RIC8B: variants seen among roughly 807,000 people sequenced by gnomAD.
RIC8B encodes the protein chaperone Ric-8B.
In RIC8B, 16 loss-of-function variants were observed where a neutral mutation model predicts 57.5. The ratio of observed to expected loss-of-function variants is 0.28; its 90% CI spans 0.19 to 0.42. RIC8B has a LOEUF of 0.42. Among genes scored for constraint, RIC8B ranks in the 10% least tolerant of loss-of-function variants. The pLI, the probability that RIC8B is intolerant of heterozygous loss-of-function variation, is 1.00. For missense variants in RIC8B, 481 were observed against 677.0 expected (o/e 0.71, Z 3.21); for synonymous variants, 216 against 250.8 (o/e 0.86, Z 1.31).
chr12:106,843,332 A>T (rs1330828662), intron 5 of RIC8B, among the ~76,000 whole-genome samples: 8 of 152,170 alleles, frequency 5.3e-5, no homozygotes, highest in South Asian at 2.1e-4. Context: ...TGCTTCATTC[A>T]AGCCCTTTGG....
intron 7 of RIC8B, among the ~76,000 whole-genome samples, chr12:106,855,450 G>C (rs1414735008): frequency 6.6e-6 from 1 of 151,902 alleles, no homozygotes; most frequent in East Asian, 1.9e-4. Context: ...TCCTCAACTT[G>C]CTGCAAGTCA....
intron 4 of RIC8B, among the ~76,000 whole-genome samples, chr12:106,841,982 C>T (rs1014548451): frequency 5.1e-4 from 78 of 152,112 alleles, no homozygotes; most frequent in African/African-American, 1.7e-3. Context: ...TTAGAAATAG[C>T]TATATTAACT....
At chr12:106,813,923 T>C (rs1188886943) in intron 2 of RIC8B, among the ~76,000 whole-genome samples, 2 of 152,158 alleles carry the variant, frequency 1.3e-5, no homozygotes, top group African/African-American at 4.8e-5. Flanking sequence ...TTGACAATGG[T>C]ATAAAAAAAT....
chr12:106,781,497 C>T (rs1322197961), intron 1 of RIC8B, among the ~76,000 whole-genome samples: 2 of 152,106 alleles, frequency 1.3e-5, no homozygotes, highest in Non-Finnish European at 2.9e-5. Context: ...TCTATTGGAT[C>T]CAAACACTCT....
Position 106,888,441 on chromosome 12 carries a change from T to C in RIC8B, c.*2426T>C, listed in dbSNP as rs146784497. The C allele has an allele frequency of 3.3e-5, 5 of 152,656 alleles. No individual in the cohort carries two copies. The highest frequency in any genetic ancestry group is 5.9e-5 in the Non-Finnish European group (4 of 68,090). The allele number at this position is 152,656 out of a possible 1,614,324, so 9.5% of individuals were successfully genotyped here. ...TGAAAGATCCTCTCCAGAAAGCTTA[T>C]GAAAGTTACCCCACGTCACAGCAAG... On this transcript the variant is annotated 3_prime_UTR_variant, in exon 10 of 10. Coordinates refer to ENST00000392837, the MANE Select transcript of RIC8B (RefSeq NM_001330145.2).
At chr12:106,855,077 G>C (rs1330421020) in intron 7 of RIC8B, among the ~76,000 whole-genome samples, 1 of 152,158 alleles carries the variant, frequency 6.6e-6, no homozygotes, top group Non-Finnish European at 1.5e-5. Context: ...AATCTGCCTT[G>C]GTAGGGGTTC....
In RIC8B at chr12:106,813,381, G is replaced by A. The variant is rs529290203; in HGVS notation, c.133-1315G>A. On this transcript the variant is annotated intron_variant, in intron 2 of 9. Transcript: ENST00000392837. ...AATTTTTTGTATTTTTAGTAGAGAC[G>A]GGGTTCCACCACGTTAGCCAGGATG... 8.5e-4 allele frequency among the ~76,000 whole-genome samples: 129 copies of A among 151,914 alleles called. 1 individual carries two copies. Among genetic ancestry groups the A allele is most frequent in the African/African-American group, 2.9e-3 (119 of 41,426 alleles).
chr12:106,825,849 T>C (rs1379337913), intron 4 of RIC8B, 29 bp downstream of exon 4: 2 of 1,413,062 alleles, frequency 1.4e-6, no homozygotes, highest in Non-Finnish European at 2.0e-6. Flanking sequence ...GATATCCCAA[T>C]GAAGGACATC....
In RIC8B at chr12:106,871,485, A is replaced by AAC. The variant is rs1231122481; in HGVS notation, c.1571+544_1571+545insCA. The AAC allele has an allele frequency of 2.8e-5, 4 of 142,404 alleles. 1 individual carries two copies. The East Asian group carries it at 5.8e-4, about 21-fold the overall frequency. The allele number at this position is 142,404 out of a possible 1,614,324, so 8.8% of individuals were successfully genotyped here. A position where few individuals can be genotyped will look rare whatever the true frequency, so the allele number is the denominator to read the frequency against. On this transcript the variant is annotated intron_variant, in intron 9 of 9. Transcript: ENST00000392837. Reference sequence around the variant, plus strand: ...ATTAGGAGTTCTAAAAAAAAAAAAAAAAAAAAAAAAAAACCAAAAAACTCC... The same window carrying AAC: ...ATTAGGAGTTCTAAAAAAAAAAAAAAACAAAAAAAAAAAAACCAAAAAACTCC...
intron 9 of RIC8B, chr12:106,874,631 AT>A (rs1284495703): frequency 2.5e-6 from 3 of 1,206,480 alleles, no homozygotes; most frequent in Non-Finnish European, 3.5e-6. Context: ...CACTACCAAA[AT>A]TGTAAAACCA....
Position 106,879,366 on chromosome 12 carries a change from C to T in RIC8B, c.1572-6538C>T. On this transcript the variant is annotated intron_variant, in intron 9 of 9. Coordinates refer to ENST00000392837, the MANE Select transcript of RIC8B (RefSeq NM_001330145.2). This position sits in a 1 kb window ranked among gnomAD's most constrained non-coding sequence, Gnocchi z 4.9. ...GCGATTGGGTATGTTAGTATCTGAA[C>T]CCCAATTTTGCACTGTCATTTTTGG... The T allele has an allele frequency of 6.1e-6, 6 of 985,236 alleles. No individual in the cohort carries two copies. The highest frequency in any genetic ancestry group is 7.2e-6 in the Non-Finnish European group (6 of 829,890). 61.0% of individuals were successfully genotyped at this position (985,236 alleles called of 1,614,324 possible).
At position 106,797,980 on chromosome 12, in the gene RIC8B, C is replaced by T. The variant is rs1018451936; in HGVS notation, c.132+13936C>T. On this transcript the variant is annotated intron_variant, in intron 2 of 9. Coordinates refer to ENST00000392837, the MANE Select transcript of RIC8B (RefSeq NM_001330145.2). Reference sequence around the variant, plus strand: ...TCTATTTATTTCCTGATTTTAGGCACCCGAAATGTGAGATTTGATGGAGAA... The same window carrying T: ...TCTATTTATTTCCTGATTTTAGGCATCCGAAATGTGAGATTTGATGGAGAA... 2.6e-5 allele frequency: 18 copies of T among 701,626 alleles called. No homozygotes were observed. The African/African-American group carries it at 2.8e-4, about 11-fold the overall frequency. 43.5% of individuals were successfully genotyped at this position (701,626 alleles called of 1,614,324 possible). A position where few individuals can be genotyped will look rare whatever the true frequency, so the allele number is the denominator to read the frequency against.
intron 3 of RIC8B, among the ~76,000 whole-genome samples, chr12:106,824,627 G>T (rs2046010719): frequency 6.6e-6 from 1 of 152,148 alleles, no homozygotes; most frequent in Admixed American, 6.5e-5. Context: ...TGGGTGCAGT[G>T]GCTGGCACCT....
chr12:106,820,896 C>A (rs750853591), intron 3 of RIC8B, among the ~76,000 whole-genome samples: 4 of 152,160 alleles, frequency 2.6e-5, no homozygotes, highest in Non-Finnish European at 5.9e-5. Context: ...TACCTCATTT[C>A]GATTTTCACT....
chr12:106,823,410 G>T (rs758280666), intron 3 of RIC8B: 3 of 455,970 alleles, frequency 6.6e-6, no homozygotes. Flanking sequence ...TAGACATCGG[G>T]TACAACTTGG....
At chr12:106,824,438 A>G (rs537754869) in intron 3 of RIC8B, among the ~76,000 whole-genome samples, 36 of 152,282 alleles carry the variant, frequency 2.4e-4, no homozygotes, top group Non-Finnish European at 4.6e-4. Context: ...TTAAAATGTT[A>G]TGGTCCACAT....
chr12:106,858,871 A>G (rs976263038), intron 7 of RIC8B, among the ~76,000 whole-genome samples: 1 of 152,094 alleles, frequency 6.6e-6, no homozygotes, highest in Non-Finnish European at 1.5e-5. Context: ...TTGAAAATGT[A>G]ACAGTAAACT....
chr12:106,806,702 C>T (rs1283715650), intron 2 of RIC8B, among the ~76,000 whole-genome samples: 12 of 152,072 alleles, frequency 7.9e-5, no homozygotes, highest in Admixed American at 1.3e-4. Context: ...TGGTGGTGCG[C>T]GCGTGTAATC....
intron 1 of RIC8B, 111 bp from the exon 2 acceptor site, chr12:106,783,886 C>A: frequency 1.1e-6 from 1 of 884,768 alleles, no homozygotes; most frequent in Non-Finnish European, 1.8e-6. Flanking sequence ...TATTGAGATA[C>A]GGGAAGGCAA....
Sources: allele counts gnomAD v4.1 joint callset (sites outside exome capture counted in the v4.1 genomes callset), GRCh38; gene constraint gnomAD v4.1.1; non-coding constraint Gnocchi (gnomAD v3.1); transcripts MANE v1.5; gene names NCBI Gene and HGNC (gene_info 2026-07-23, HGNC 2026-07-21).